The following FGF14 variants were observed in gnomAD, a reference collection of about 807,000 sequenced individuals.
FGF14 encodes the protein fibroblast growth factor 14.
In FGF14, 5 loss-of-function variants were observed where a neutral mutation model predicts 25.5. The ratio of observed to expected loss-of-function variants is 0.20; its 90% CI spans 0.10 to 0.41. The LOEUF is 0.41. Ranked by LOEUF, FGF14 falls within the 10% of genes least tolerant of loss-of-function variation. The probability of loss-of-function intolerance (pLI) is 1.00; values close to 1 mark genes in which losing one functional copy is unlikely to be tolerated. For synonymous variants in FGF14, 138 were observed against 118.3 expected, an observed-to-expected ratio of 1.17 and a Z score of -1.08; for missense variants, 222 against 320.1, an observed-to-expected ratio of 0.69 and a Z score of 2.34.
chr13:101,988,149 A>T (rs2139654781), intron 1 of FGF14, among the ~76,000 whole-genome samples: 1 of 152,170 alleles, frequency 6.6e-6, no homozygotes, highest in South Asian at 2.1e-4. Context: ...TGGGTCTTAG[A>T]TAGTTGTAGC....
At chr13:102,112,352 T>A (rs1278521627) in intron 1 of FGF14, among the ~76,000 whole-genome samples, 1 of 151,800 alleles carries the variant, frequency 6.6e-6, no homozygotes. Flanking sequence ...CCCCGCCTTC[T>A]CCACACCTGC....
chr13:101,826,665 T>C (rs2042406378), intron 3 of FGF14, among the ~76,000 whole-genome samples: 1 of 152,080 alleles, frequency 6.6e-6, no homozygotes, highest in Non-Finnish European at 1.5e-5. Flanking sequence ...GTACCTAAAA[T>C]GGTGTACATA....
chr13:102,078,183 C>T (rs1470557580), intron 1 of FGF14, among the ~76,000 whole-genome samples: 1 of 151,928 alleles, frequency 6.6e-6, no homozygotes, highest in East Asian at 1.9e-4. Context: ...AATTTCAATT[C>T]AATAGAAAAA....
chr13:102,013,082 G>A (rs114562601), intron 1 of FGF14, among the ~76,000 whole-genome samples: 2 of 152,048 alleles, frequency 1.3e-5, no homozygotes, highest in Non-Finnish European at 2.9e-5. Flanking sequence ...TTGAGCCCAG[G>A]GGGTGAAGGA....
intron 1 of FGF14, among the ~76,000 whole-genome samples, chr13:102,315,268 T>C (rs551054803): frequency 2.0e-5 from 3 of 152,264 alleles, no homozygotes; most frequent in South Asian, 2.1e-4. Context: ...AAGAAACACA[T>C]ATTGCTCTAA....
intron 3 of FGF14, among the ~76,000 whole-genome samples, chr13:101,737,443 A>T (rs79517819): frequency 0.26 from 38,582 of 149,818 alleles, 5,822 homozygotes; most frequent in East Asian, 0.5. Flanking sequence ...GTGCAAAAAA[A>T]TGAAGTATTT....
chr13:101,848,875 A>C (rs1189960537), intron 3 of FGF14, among the ~76,000 whole-genome samples: 2 of 152,084 alleles, frequency 1.3e-5, no homozygotes, highest in Non-Finnish European at 2.9e-5. Flanking sequence ...TTGGAATTTA[A>C]AGAAACTCAT....
chr13:102,021,976 T>C (rs1175530173), intron 1 of FGF14, among the ~76,000 whole-genome samples: 1 of 152,040 alleles, frequency 6.6e-6, no homozygotes, highest in Admixed American at 6.6e-5. Flanking sequence ...ATTCCAGTTC[T>C]CAAGATCAGT....
chr13:101,952,336 T>C (rs2036219661), intron 1 of FGF14, among the ~76,000 whole-genome samples: 1 of 152,128 alleles, frequency 6.6e-6, no homozygotes, highest in African/African-American at 2.4e-5. Flanking sequence ...AGTTACATTT[T>C]AAAATGAGGA....
rs575553970 is a variant in FGF14, at chr13:101,795,718, A to T, written c.409-68908T>A. 4.6e-5 allele frequency among the ~76,000 whole-genome samples: 7 copies of T among 152,282 alleles called. No homozygotes were observed. In the South Asian group the frequency reaches 1.4e-3, roughly 32 times the overall value. On this transcript the variant is annotated intron_variant, in intron 3 of 4. Coordinates refer to ENST00000376143, the MANE Select transcript of FGF14 (RefSeq NM_004115.4). The stretch of plus-strand genomic sequence containing the variant: ...CCTGCCATGACAATTACTCAACCAT[A>T]GTACAGGAATCACGTCTTAGGATGC...
At chr13:102,004,871 T>C (rs1199601122) in intron 1 of FGF14, among the ~76,000 whole-genome samples, 7 of 152,150 alleles carry the variant, frequency 4.6e-5, no homozygotes, top group Admixed American at 6.5e-5. Context: ...CCTTCCACCA[T>C]GTGAAGAAGG....
At chr13:102,187,998 A>C (rs895611865) in intron 1 of FGF14, among the ~76,000 whole-genome samples, 4 of 152,218 alleles carry the variant, frequency 2.6e-5, no homozygotes, top group African/African-American at 4.8e-5. Context: ...GATTTATTGA[A>C]TTCAGCAATT....
chr13:102,374,762 T>C (rs1456329179), intron 1 of FGF14, among the ~76,000 whole-genome samples: 3 of 143,984 alleles, frequency 2.1e-5, no homozygotes, highest in Non-Finnish European at 4.5e-5. Flanking sequence ...AATTACGTTA[T>C]ACAAAACCAA....
At chr13:101,962,073 A>T (rs2036892528) in intron 1 of FGF14, among the ~76,000 whole-genome samples, 1 of 152,008 alleles carries the variant, frequency 6.6e-6, no homozygotes. Flanking sequence ...TATGAATTTT[A>T]AAATAATGGT....
chr13:101,965,159 G>A (rs564466647), intron 1 of FGF14, among the ~76,000 whole-genome samples: 1 of 151,512 alleles, frequency 6.6e-6, no homozygotes, highest in East Asian at 2.0e-4. Context: ...TGAGGCATGA[G>A]AATTGCTTGA....
intron 1 of FGF14, among the ~76,000 whole-genome samples, chr13:101,932,502 C>G (rs560072728): frequency 1.6e-5 from 2 of 127,190 alleles, no homozygotes; most frequent in East Asian, 5.4e-4. Context: ...CATTGCACTC[C>G]AGCCTGGGTG....
In FGF14 at chr13:102,393,338, A is replaced by G. The variant is rs543339075; in HGVS notation, c.208+8133T>C. Among the ~76,000 whole-genome samples the G allele has an allele frequency of 2.7e-3, 408 of 152,280 alleles. 1 individual carries two copies. Among genetic ancestry groups the G allele is most frequent in the African/African-American group, 8.4e-3 (347 of 41,550 alleles). Reference sequence around the variant, plus strand: ...GCATCAACAGTTCAAACACAGCAGCACTTTTTAAGTGTTTACTAAGTTTTG... The same window carrying G: ...GCATCAACAGTTCAAACACAGCAGCGCTTTTTAAGTGTTTACTAAGTTTTG... On this transcript the variant is annotated intron_variant, in intron 1 of 4. Transcript: ENST00000376131.
chr13:102,229,881 C>T (rs998136612), intron 1 of FGF14, among the ~76,000 whole-genome samples: 1 of 152,178 alleles, frequency 6.6e-6, no homozygotes, highest in Non-Finnish European at 1.5e-5. Context: ...ATTATTTGAG[C>T]ATGCTGTGGA....
chr13:101,876,345 C>A (rs142110416), intron 1 of FGF14, among the ~76,000 whole-genome samples: 111 of 152,320 alleles, frequency 7.3e-4, no homozygotes, highest in Middle Eastern at 6.8e-3. Flanking sequence ...CATGCTAATG[C>A]AATCCGCTGT....
Sources: allele counts gnomAD v4.1 joint callset (sites outside exome capture counted in the v4.1 genomes callset), GRCh38; gene constraint gnomAD v4.1.1; transcripts MANE v1.5; gene names NCBI Gene and HGNC (gene_info 2026-07-23, HGNC 2026-07-21).